Variants in CTNND2 observed in about 807,000 individuals in gnomAD.
The protein encoded by CTNND2 is catenin delta 2.
A neutral mutation model predicts 144.4 loss-of-function variants in CTNND2; 22 were observed. That is an observed-to-expected ratio of 0.15 (90% CI 0.11 to 0.22). The LOEUF (loss-of-function observed/expected upper bound fraction) is 0.22, where lower values mean the gene tolerates loss of function less well. Ranked by LOEUF, CTNND2 falls within the 10% of genes least tolerant of loss-of-function variation. CTNND2 has a pLI of 1.00. For synonymous variants in CTNND2, 751 were observed against 695.6 expected (o/e 1.08, Z -1.25); for missense variants, 1,353 against 1,618.8 (o/e 0.84, Z 2.82).
chr5:10,977,704 C>T (rs1280530995), intron 21 of CTNND2, among the ~76,000 whole-genome samples: 11 of 152,210 alleles, frequency 7.2e-5, no homozygotes, highest in Non-Finnish European at 1.2e-4. Flanking sequence ...CTGCCTGCCT[C>T]GGCCTCCCAA....
chr5:11,893,643 C>T (rs939764956), intron 1 of CTNND2, among the ~76,000 whole-genome samples: 3 of 152,248 alleles, frequency 2.0e-5, no homozygotes, highest in Admixed American at 6.5e-5. Context: ...CCTATATTTG[C>T]AAAGGAAGAA....
intron 3 of CTNND2, among the ~76,000 whole-genome samples, chr5:11,485,998 T>C (rs943231083): frequency 6.6e-5 from 10 of 152,026 alleles, no homozygotes; most frequent in Admixed American, 4.6e-4. Flanking sequence ...GAAGAGTTGA[T>C]AAAACATGGT....
Position 11,164,234 on chromosome 5 carries a change from T to A in CTNND2, c.1976-4475A>T, listed in dbSNP as rs931049513. 4.6e-5 allele frequency among the ~76,000 whole-genome samples: 7 copies of A among 152,148 alleles called. No individual in the cohort carries two copies. In the South Asian group the frequency reaches 1.2e-3, roughly 27 times the overall value. ...CCCATTTGAAGCCCTCCTACCTTAG[T>A]CATACCTGCAAAGTCCCTTTCATCA... is the stretch of plus-strand genomic sequence containing the variant. On this transcript the variant is annotated intron_variant, in intron 11 of 21. Coordinates refer to ENST00000304623, the MANE Select transcript of CTNND2 (RefSeq NM_001332.4).
chr5:11,244,877 G>A (rs572958330), intron 9 of CTNND2, among the ~76,000 whole-genome samples: 4 of 152,200 alleles, frequency 2.6e-5, no homozygotes, highest in Non-Finnish European at 5.9e-5. Context: ...CCAGCCAGCA[G>A]CTCCTCCTTC....
chr5:11,884,530 C>T (rs1736374524), intron 1 of CTNND2, among the ~76,000 whole-genome samples: 1 of 151,742 alleles, frequency 6.6e-6, no homozygotes, highest in Admixed American at 6.6e-5. Flanking sequence ...TGTTCCATTG[C>T]TCTATATATC....
intron 16 of CTNND2, among the ~76,000 whole-genome samples, chr5:11,047,204 C>T (rs983824768): frequency 3.9e-5 from 6 of 152,146 alleles, no homozygotes; most frequent in African/African-American, 1.2e-4. Flanking sequence ...CATGGCACTC[C>T]GGCTGCTTCA....
intron 14 of CTNND2, among the ~76,000 whole-genome samples, chr5:11,107,655 T>C (rs1249833839): frequency 6.6e-6 from 1 of 152,240 alleles, no homozygotes; most frequent in Non-Finnish European, 1.5e-5. Flanking sequence ...CTTAAGTTCT[T>C]AGATGATAAC....
intron 7 of CTNND2, among the ~76,000 whole-genome samples, chr5:11,377,431 A>T (rs1758050281): frequency 6.6e-6 from 1 of 152,132 alleles, no homozygotes; most frequent in Non-Finnish European, 1.5e-5. Flanking sequence ...TCCGGGAAAT[A>T]GGGGAAACAA....
At chr5:11,891,588 C>G (rs1267645503) in intron 1 of CTNND2, among the ~76,000 whole-genome samples, 1 of 152,154 alleles carries the variant, frequency 6.6e-6, no homozygotes, top group Non-Finnish European at 1.5e-5. Context: ...AAGAAGGGAT[C>G]AGCAGCTTTC....
At chr5:11,274,084 A>C (rs568709389) in intron 9 of CTNND2, among the ~76,000 whole-genome samples, 1 of 152,148 alleles carries the variant, frequency 6.6e-6, no homozygotes, top group Non-Finnish European at 1.5e-5. Context: ...TCTTCAGAAC[A>C]CGCTGAACTG....
At chr5:11,264,916 G>T (rs932075278) in intron 9 of CTNND2, among the ~76,000 whole-genome samples, 1 of 152,148 alleles carries the variant, frequency 6.6e-6, no homozygotes, top group Non-Finnish European at 1.5e-5. Flanking sequence ...GGGTGACAGA[G>T]TAAGACCCCG....
At chr5:11,806,679 G>T (rs1029110430) in intron 1 of CTNND2, among the ~76,000 whole-genome samples, 1 of 151,908 alleles carries the variant, frequency 6.6e-6, no homozygotes, top group Non-Finnish European at 1.5e-5. Context: ...AACACATCAG[G>T]GTTGTAACAG....
chr5:11,385,633 A>G (rs1759007110), intron 6 of CTNND2: 1 of 152,142 alleles, frequency 6.6e-6, no homozygotes, highest in Non-Finnish European at 1.5e-5. Context: ...CGGGCAGTAA[A>G]TCTTTTTCTG....
intron 2 of CTNND2, among the ~76,000 whole-genome samples, chr5:11,623,923 C>T (rs1781016893): frequency 6.9e-6 from 1 of 145,780 alleles, no homozygotes; most frequent in Non-Finnish European, 1.5e-5. Flanking sequence ...CTTGGATAAC[C>T]ACACAATAAT....
intron 1 of CTNND2, among the ~76,000 whole-genome samples, chr5:11,751,951 G>C (rs1788647935): frequency 6.6e-6 from 1 of 151,664 alleles, no homozygotes; most frequent in Admixed American, 6.6e-5. Flanking sequence ...GATTTGCATT[G>C]TTCTAATGAT....
rs199630415 is a variant in CTNND2 at position 11,828,295 on chromosome 5, C to T, written c.37+75522G>A. On this transcript the variant is annotated intron_variant, in intron 1 of 21. Coordinates refer to ENST00000304623, the MANE Select transcript of CTNND2 (RefSeq NM_001332.4). The stretch of plus-strand genomic sequence containing the variant: ...CTGTAATCCCAGCATTTTGGGAGGC[C>T]GAGGTGTGTGGATCACCTGAGGTCA... Among the ~76,000 whole-genome samples, 40 of 152,140 alleles carry T rather than the reference C, an allele frequency of 2.6e-4. No homozygotes were observed. The East Asian group carries it at 6.6e-3, about 25-fold the overall frequency.
chr5:11,396,634 T>A (rs1222571930), intron 6 of CTNND2, among the ~76,000 whole-genome samples: 1 of 152,088 alleles, frequency 6.6e-6, no homozygotes, highest in Non-Finnish European at 1.5e-5. Context: ...CACAAAGCAA[T>A]CCCATGCTTT....
chr5:11,713,583 C>CAAAAAA (rs1165519277), intron 2 of CTNND2, among the ~76,000 whole-genome samples: 14 of 57,802 alleles, frequency 2.4e-4, no homozygotes, highest in Admixed American at 6.7e-4. Context: ...GACTCCATCT[C>CAAAAAA]AAAAAAAAAA....
At chr5:11,605,936 A>G (rs529757163) in intron 2 of CTNND2, among the ~76,000 whole-genome samples, 1 of 152,288 alleles carries the variant, frequency 6.6e-6, no homozygotes, top group African/African-American at 2.4e-5. Flanking sequence ...AAGTCAGTTG[A>G]CCTAAAATAG....
Sources: allele counts gnomAD v4.1 joint callset (sites outside exome capture counted in the v4.1 genomes callset), GRCh38; gene constraint gnomAD v4.1.1; transcripts MANE v1.5; gene names NCBI Gene and HGNC (gene_info 2026-07-23, HGNC 2026-07-21).